Variants in GRID2 observed in about 807,000 individuals in gnomAD.
GRID2 encodes the protein glutamate ionotropic receptor delta type subunit 2.
In GRID2, 33 loss-of-function variants were observed where a neutral mutation model predicts 114.8. That is an observed-to-expected ratio of 0.29 (90% CI 0.22 to 0.38). The LOEUF is 0.38. Among genes scored for constraint, GRID2 ranks in the 10% least tolerant of loss-of-function variants. The probability of loss-of-function intolerance (pLI) is 1.00; values close to 1 mark genes in which losing one functional copy is unlikely to be tolerated. For missense variants in GRID2, 1,184 were observed against 1,257.7 expected (o/e 0.94, Z 0.89); for synonymous variants, 505 against 449.9 (o/e 1.12, Z -1.55).
At chr4:93,214,433 A>G (rs1266837147) in intron 5 of GRID2, among the ~76,000 whole-genome samples, 1 of 152,040 alleles carries the variant, frequency 6.6e-6, no homozygotes, top group African/African-American at 2.4e-5. Context: ...GAAATGCGCA[A>G]GTAAAGTTCC....
At chr4:93,128,027 CAAA>C (rs1008311457) in intron 4 of GRID2, among the ~76,000 whole-genome samples, 1 of 20,342 alleles carries the variant, frequency 4.9e-5, no homozygotes. Context: ...TCCCCCGCAA[CAAA>C]AAAAAAAAAA....
intron 2 of GRID2, among the ~76,000 whole-genome samples, chr4:92,770,911 C>T (rs1409881723): frequency 6.6e-6 from 1 of 152,016 alleles, no homozygotes; most frequent in Non-Finnish European, 1.5e-5. Context: ...CCATTTTTTT[C>T]ATTTTCATAA....
At chr4:93,414,829 T>C (rs991338352) in intron 9 of GRID2, among the ~76,000 whole-genome samples, 3 of 151,942 alleles carry the variant, frequency 2.0e-5, no homozygotes, top group African/African-American at 4.8e-5. Flanking sequence ...ATTAACACTC[T>C]TTTGAATGAC....
At chr4:92,387,040 C>A (rs545608455) in intron 1 of GRID2, among the ~76,000 whole-genome samples, 107 of 151,896 alleles carry the variant, frequency 7.0e-4, no homozygotes, top group African/African-American at 2.5e-3. Context: ...CGTTTTTGGT[C>A]AAATATATCA....
chr4:92,698,304 C>G (rs1734516298), intron 2 of GRID2, among the ~76,000 whole-genome samples: 1 of 152,034 alleles, frequency 6.6e-6, no homozygotes, highest in African/African-American at 2.4e-5. Flanking sequence ...AAGTAAAGTC[C>G]ACTAAAGCAG....
At chr4:93,175,939 A>G (rs563914948) in intron 4 of GRID2, among the ~76,000 whole-genome samples, 1 of 152,110 alleles carries the variant, frequency 6.6e-6, no homozygotes, top group Non-Finnish European at 1.5e-5. Context: ...TTAGGAGTGG[A>G]CCTCTTTCTC....
chr4:93,348,420 A>G (rs1327032226), intron 8 of GRID2, among the ~76,000 whole-genome samples: 4 of 152,214 alleles, frequency 2.6e-5, no homozygotes, highest in African/African-American at 9.6e-5. Context: ...ATAATTACAT[A>G]TTAGAAGTGC....
intron 13 of GRID2, among the ~76,000 whole-genome samples, chr4:93,564,125 ATAT>A (rs376330328): frequency 5.3e-5 from 8 of 152,060 alleles, no homozygotes; most frequent in African/African-American, 1.9e-4. Context: ...AAGGTAGAAG[ATAT>A]TATTAAGTCA....
intron 4 of GRID2, among the ~76,000 whole-genome samples, chr4:93,171,158 T>G (rs1329491007): frequency 6.6e-6 from 1 of 152,236 alleles, no homozygotes; most frequent in Non-Finnish European, 1.5e-5. Flanking sequence ...CTGTATTACC[T>G]ACTTTCAACC....
intron 13 of GRID2, among the ~76,000 whole-genome samples, chr4:93,621,138 AAAC>A (rs1308813299): frequency 6.6e-6 from 1 of 152,172 alleles, no homozygotes; most frequent in African/African-American, 2.4e-5. Context: ...AATTGAATTT[AAAC>A]AACAACTGTT....
intron 8 of GRID2, among the ~76,000 whole-genome samples, chr4:93,355,337 G>T (rs963772505): frequency 2.0e-5 from 3 of 151,764 alleles, no homozygotes; most frequent in Non-Finnish European, 4.4e-5. Flanking sequence ...GAGCTGGATT[G>T]TCCAACATTG....
At chr4:93,360,581 A>G (rs184775608) in intron 8 of GRID2, among the ~76,000 whole-genome samples, 3 of 151,968 alleles carry the variant, frequency 2.0e-5, no homozygotes, top group Non-Finnish European at 4.4e-5. Context: ...ATTAATTTCT[A>G]GTATTGCATT....
intron 1 of GRID2, among the ~76,000 whole-genome samples, chr4:92,483,676 G>C (rs934501559): frequency 4.6e-5 from 7 of 152,164 alleles, no homozygotes. Flanking sequence ...TCTGGATGAA[G>C]TAGATACGGA....
intron 1 of GRID2, among the ~76,000 whole-genome samples, chr4:92,325,837 T>C (rs1352116965): frequency 1.3e-5 from 2 of 151,818 alleles, no homozygotes; most frequent in East Asian, 1.9e-4. Flanking sequence ...CTTCAATCTA[T>C]ATTGTTTTCT....
chr4:92,909,132 ATTATTTT>A (rs1270092012), intron 2 of GRID2, among the ~76,000 whole-genome samples: 1 of 152,152 alleles, frequency 6.6e-6, no homozygotes, highest in Non-Finnish European at 1.5e-5. Flanking sequence ...CTTTAAAAGA[ATTATTTT>A]TTATTTTAAG....
chr4:92,345,872 C>T (rs1727737853), intron 1 of GRID2, among the ~76,000 whole-genome samples: 1 of 151,952 alleles, frequency 6.6e-6, no homozygotes, highest in Non-Finnish European at 1.5e-5. Flanking sequence ...TTAATTAACC[C>T]CATAATCAGC....
At chr4:93,069,284 G>A (rs529802852) in intron 2 of GRID2, among the ~76,000 whole-genome samples, 92 of 151,368 alleles carry the variant, frequency 6.1e-4, no homozygotes, top group African/African-American at 1.7e-3. Context: ...ATATATGTGC[G>A]TGTATGTATA....
chr4:93,406,627 T>C (rs1766454325), intron 9 of GRID2, among the ~76,000 whole-genome samples: 1 of 152,144 alleles, frequency 6.6e-6, no homozygotes, highest in Non-Finnish European at 1.5e-5. Flanking sequence ...GGAGATCGTA[T>C]TGTATCAAGA....
intron 1 of GRID2, among the ~76,000 whole-genome samples, chr4:92,531,813 CT>C (rs552138477): frequency 7.4e-4 from 112 of 151,892 alleles, no homozygotes; most frequent in African/African-American, 2.6e-3. Context: ...TTAAACTTAT[CT>C]TTCAGTAGAG....
Sources: gnomAD v4.1 joint callset for allele counts (sites outside exome capture counted in the v4.1 genomes callset) on GRCh38, gnomAD v4.1.1 for gene constraint, MANE v1.5 for transcripts, NCBI Gene and HGNC (gene_info 2026-07-23, HGNC 2026-07-21) for gene names.